The following POMGNT1 variants were observed in gnomAD, a reference collection of about 807,000 sequenced individuals.
POMGNT1 encodes protein O-linked-mannose beta-1,2-N-acetylglucosaminyltransferase 1.
In POMGNT1, 67 loss-of-function variants were observed where a neutral mutation model predicts 95.6. That is an observed-to-expected ratio of 0.70 (90% CI 0.58 to 0.86). POMGNT1 has a LOEUF of 0.86. POMGNT1 is among the 40% of genes least tolerant of loss of function. The pLI is 0.00. For synonymous variants in POMGNT1, 298 were observed against 317.9 expected (o/e 0.94, Z 0.66); for missense variants, 719 against 855.2 (o/e 0.84, Z 1.99).
Position 46,189,170 on chromosome 1 carries a change from C to T in POMGNT1, c.*100G>A. 6.6e-7 allele frequency: 1 copy of T among 1,526,100 alleles called. No individual in the cohort carries two copies. Among genetic ancestry groups the T allele is most frequent in the Non-Finnish European group, 8.8e-7 (1 of 1,141,162 alleles). The allele number at this position is 1,526,100 out of a possible 1,614,324, so 94.5% of individuals were successfully genotyped here. Reference sequence around the variant, plus strand: ...TCTCATGTTAAAAACAAGGTAGCCCCAGCCCCTACCAGCATCTACAAAATC... The same window carrying T: ...TCTCATGTTAAAAACAAGGTAGCCCTAGCCCCTACCAGCATCTACAAAATC... On this transcript the variant is annotated 3_prime_UTR_variant, in exon 22 of 22. Coordinates refer to ENST00000371984, the MANE Select transcript of POMGNT1 (RefSeq NM_017739.4).
Position 46,197,848 on chromosome 1 carries a change from T to C in POMGNT1, c.-27A>G, listed in dbSNP as rs1658368844. 1 of 1,613,216 alleles carries C rather than the reference T, an allele frequency of 6.2e-7. No homozygotes were observed. Among genetic ancestry groups the C allele is most frequent in the Non-Finnish European group, 8.5e-7 (1 of 1,179,968 alleles). ...CCGGATTGGCGGGTCACCAATGTCC[T>C]GGCCAGCCCATGACTTCAGGAATCT... On this transcript the variant is annotated 5_prime_UTR_variant, in exon 2 of 22. Coordinates refer to ENST00000371984, the MANE Select transcript of POMGNT1 (RefSeq NM_017739.4).
upstream of POMGNT1, among the ~76,000 whole-genome samples, chr1:46,201,291 T>G (rs1467310890): frequency 6.7e-6 from 1 of 149,728 alleles, no homozygotes; most frequent in African/African-American, 2.5e-5. Context: ...GTGGGAGGAT[T>G]GCTTGAGGCC....
intron 1 of POMGNT1, among the ~76,000 whole-genome samples, chr1:46,211,848 TCTGCCTCGGTTCAAGTGATTCTC>T (rs1658907407): frequency 6.6e-6 from 1 of 151,884 alleles, no homozygotes; most frequent in Non-Finnish European, 1.5e-5. Flanking sequence ...CACTACAACC[TCTGCCTCGGTTCAAGTGATTCTC>T]CTGCCTCAGC....
Position 46,196,212 on chromosome 1 carries a change from A to G in POMGNT1, c.355-135T>C. 3 of 1,532,586 alleles carry G rather than the reference A, an allele frequency of 2.0e-6. No homozygotes were observed. In the South Asian group the frequency reaches 3.6e-5, roughly 18 times the overall value. The allele number at this position is 1,532,586 out of a possible 1,614,324, so 94.9% of individuals were successfully genotyped here. On this transcript the variant is annotated intron_variant, in intron 4 of 21. Coordinates refer to ENST00000371984, the MANE Select transcript of POMGNT1 (RefSeq NM_017739.4). This position sits in a 1 kb window ranked among gnomAD's most constrained non-coding sequence, Gnocchi z 4.4. Reference sequence around the variant, plus strand: ...TTTCTGTTCACACAGTTCTTTTCCAACTCAGCTCGAAGGCCACCTCTTCCA... The same window carrying G: ...TTTCTGTTCACACAGTTCTTTTCCAGCTCAGCTCGAAGGCCACCTCTTCCA...
rs1318490801 is a variant in POMGNT1, at chr1:46,194,523, C to T, written c.751+30G>A. 2.5e-6 allele frequency: 4 copies of T among 1,614,132 alleles called. No individual in the cohort carries two copies. The East Asian group carries it at 8.9e-5, about 36-fold the overall frequency. ...CTAAATGCCCACCCCCAGCCCAGGC[C>T]CTGCCCCATCCATGCTCCACTAACT... On this transcript the variant is annotated intron_variant, in intron 8 of 21. Transcript: ENST00000371984.
chr1:46,212,595 G>T (rs1235445332), intron 1 of POMGNT1, among the ~76,000 whole-genome samples: 2 of 149,172 alleles, frequency 1.3e-5, no homozygotes, highest in Admixed American at 6.7e-5. Flanking sequence ...TTTTTTTTTT[G>T]AATCAGAGTC....
rs1227977647 is a variant in POMGNT1 at position 46,196,999 on chromosome 1, T to C, written c.206A>G (p.Asn69Ser). Reference sequence around the variant, plus strand: ...GTCTTGCTCTGGCTCTGGGTCTTCATTGGCTTCACTGATGGCTCGCCGAGT... The same window carrying C: ...GTCTTGCTCTGGCTCTGGGTCTTCACTGGCTTCACTGATGGCTCGCCGAGT... ...LDTRRAISEA[N>S]EDPEPEQDYD... The change falls in exon 3 of 22, where the codon AAT (asparagine) becomes AGT (serine). Residue 69 changes from asparagine to serine, a missense_variant. Coordinates refer to ENST00000371984, the MANE Select transcript of POMGNT1 (RefSeq NM_017739.4). This position sits in a 1 kb window ranked among gnomAD's most constrained non-coding sequence, Gnocchi z 4.4. 6.2e-7 allele frequency: 1 copy of C among 1,614,096 alleles called. No individual in the cohort carries two copies. Among genetic ancestry groups the C allele is most frequent in the African/African-American group, 1.3e-5 (1 of 74,932 alleles).
intron 1 of POMGNT1, among the ~76,000 whole-genome samples, chr1:46,206,720 A>G (rs996389543): frequency 6.6e-6 from 1 of 152,198 alleles, no homozygotes; most frequent in African/African-American, 2.4e-5. Context: ...CCAGCAACAC[A>G]CTACAACCCA....
upstream of POMGNT1, among the ~76,000 whole-genome samples, chr1:46,198,944 TG>T (rs1202836505): frequency 2.0e-5 from 3 of 148,792 alleles, no homozygotes; most frequent in Admixed American, 6.7e-5. Flanking sequence ...TCATTATTAT[TG>T]TTTTTTTTTT....
chr1:46,202,919 TG>T (rs1404705565), upstream of POMGNT1, among the ~76,000 whole-genome samples: 2 of 13,510 alleles, frequency 1.5e-4, no homozygotes, highest in African/African-American at 2.2e-4. Flanking sequence ...GGGGGGGGGG[TG>T]GTGTGTGTGT....
intron 1 of POMGNT1, among the ~76,000 whole-genome samples, chr1:46,210,941 ATT>A (rs34921411): frequency 9.7e-5 from 13 of 134,414 alleles, no homozygotes; most frequent in Non-Finnish European, 9.6e-5. Context: ...CACTCACCTA[ATT>A]TTTTTTTTTT....
chr1:46,192,566 T>G lies in POMGNT1; in HGVS notation c.1236A>C (p.Leu412=), dbSNP rs780965440. The change falls in exon 15 of 22, where the codon CTA becomes CTC. Residue 412 remains leucine, a synonymous_variant. Transcript: ENST00000371984. ...FFSFLSQSIH[L]LEEDDSLYCI... ...AGTACAGGCTGTCATCCTCCTCCAG[T>G]AGGTGGATGGATTGGCTCAGGAAAC... 6.2e-7 allele frequency: 1 copy of G among 1,614,094 alleles called. No individual in the cohort carries two copies. Among genetic ancestry groups the G allele is most frequent in the Non-Finnish European group, 8.5e-7 (1 of 1,180,022 alleles).
chr1:46,189,479 C>T lies in POMGNT1; in HGVS notation c.1874G>A (p.Gly625Glu). ...TCACGAGTAGGGGGAAGCCGGGACC[C>T]CCACCATCAGGAAGTGGTTCTTCTT... ...FRKKNHFLMVGVPASPYSVKK... is the reference protein window; with the variant it reads ...FRKKNHFLMVEVPASPYSVKK... Residue 625 changes from glycine (G) to glutamate (E), a missense_variant, in exon 21 of 22, where the codon GGG becomes GAG. Physicochemically the swap from Gly to Glu is moderately conservative, Grantham distance 98 (BLOSUM62 -2). This residue lies in a region of POMGNT1 where 130 missense variants were observed against 149.2 expected (regional missense o/e 0.87). Coordinates refer to ENST00000371984, the MANE Select transcript of POMGNT1 (RefSeq NM_017739.4). The T allele has an allele frequency of 6.2e-7, 1 of 1,613,674 alleles. No homozygotes were observed.
At chr1:46,199,454 G>A (rs938589002), upstream of POMGNT1, among the ~76,000 whole-genome samples, 11 of 152,318 alleles carry the variant, frequency 7.2e-5, no homozygotes, top group Non-Finnish European at 1.3e-4. Context: ...TTTAGCTTGC[G>A]TCAGAATCAC....
chr1:46,199,257 A>G (rs528793452), upstream of POMGNT1, among the ~76,000 whole-genome samples: 1 of 152,314 alleles, frequency 6.6e-6, no homozygotes, highest in South Asian at 2.1e-4. Flanking sequence ...CGCTATTACT[A>G]TCCCTGTCGC....
rs1047116007 is a variant in POMGNT1 at position 46,194,007 on chromosome 1, G to A, written c.880-82C>T. The A allele has an allele frequency of 6.3e-6, 10 of 1,587,638 alleles. No individual in the cohort carries two copies. In the African/African-American group the frequency reaches 1.2e-4, roughly 19 times the overall value. On this transcript the variant is annotated intron_variant, in intron 9 of 21. Transcript: ENST00000371984. ...CACCTAGGGAAGACTTCTCAGGTGA[G>A]GGTAGGTGCAGACTGGAGTAGACAG...
intron 17 of POMGNT1, chr1:46,191,296 CT>C: frequency 4.7e-6 from 1 of 211,352 alleles, no homozygotes; most frequent in Non-Finnish European, 9.6e-6. Context: ...CTATTCATTC[CT>C]TTGGGCTGGG....
At chr1:46,197,919 C>G (rs1658371595) in intron 1 of POMGNT1, 48 bp from the exon 2 acceptor site, 1 of 1,572,966 alleles carries the variant, frequency 6.4e-7, no homozygotes, top group Non-Finnish European at 8.7e-7. Flanking sequence ...CTCCCAAAGT[C>G]TGATGCCTTC....
upstream of POMGNT1, among the ~76,000 whole-genome samples, chr1:46,201,376 C>A (rs1265605536): frequency 6.6e-6 from 1 of 151,414 alleles, no homozygotes; most frequent in African/African-American, 2.4e-5. Context: ...ACAAAGGTAA[C>A]CTTAGATGAA....
Sources: gnomAD v4.1 joint callset for allele counts (sites outside exome capture counted in the v4.1 genomes callset) on GRCh38, gnomAD v4.1.1 for gene constraint, gnomAD v4.1.1 regional missense constraint, Gnocchi (gnomAD v3.1) non-coding constraint, MANE v1.5 for transcripts, NCBI Gene and HGNC (gene_info 2026-07-23, HGNC 2026-07-21) for gene names.